KIAA1671: variants seen among roughly 807,000 people sequenced by gnomAD.
KIAA1671 encodes the protein uncharacterized protein KIAA1671.
KIAA1671 carries 52 observed loss-of-function variants against 131.2 expected under a neutral mutation model. The observed-to-expected ratio is 0.40, with a 90% confidence interval of 0.32 to 0.50. The LOEUF (loss-of-function observed/expected upper bound fraction) is 0.50. KIAA1671 is among the 20% of genes least tolerant of loss of function. The pLI, the probability that KIAA1671 is intolerant of heterozygous loss-of-function variation, is 0.73. For synonymous variants in KIAA1671, 1,003 were observed against 961.6 expected (o/e 1.04, Z -0.80); for missense variants, 2,360 against 2,364.2 (o/e 1.00, Z 0.04).
At chr22:25,068,194 A>AACTGTGCCGTCAGGGAGCAGGGCCG (rs1568938251) in intron 6 of KIAA1671, among the ~76,000 whole-genome samples, 1 of 150,528 alleles carries the variant, frequency 6.6e-6, no homozygotes, top group Non-Finnish European at 1.5e-5. Context: ...GAGCAGGGCC[A>AACTGTGCCGTCAGGGAGCAGGGCCG]GCCTTCCGAC....
intron 6 of KIAA1671, among the ~76,000 whole-genome samples, chr22:25,107,472 T>TC: frequency 7.4e-6 from 1 of 134,834 alleles, no homozygotes; most frequent in East Asian, 2.3e-4. Context: ...CATGGCACTT[T>TC]TTTTTTTTTT....
Position 25,029,535 on chromosome 22 carries a change from C to G in KIAA1671, c.1536C>G (p.Thr512=), listed in dbSNP as rs1926158034. Residue 512 remains threonine, a synonymous_variant, in exon 3 of 13, where the codon ACC becomes ACG. Coordinates refer to ENST00000358431, the MANE Select transcript of KIAA1671 (RefSeq NM_001145206.2). The stretch of plus-strand genomic sequence containing the variant: ...CTCGGCCGCTGTCGGCGGATTTGAC[C>G]AAATTGTAAGTAGGCACATCCCACA... ...FQARPLSADL[T]KLFSSSASSN... 6.5e-7 allele frequency: 1 copy of G among 1,535,926 alleles called. No homozygotes were observed.
chr22:25,044,025 C>G (rs942675139), intron 5 of KIAA1671, among the ~76,000 whole-genome samples: 1 of 130,550 alleles, frequency 7.7e-6, no homozygotes, highest in Non-Finnish European at 1.6e-5. Context: ...AATGATCATG[C>G]GGTGAGGATT....
rs538292011 is a variant in KIAA1671, at chr22:24,954,713, C to G, written c.-208+1941C>G. The stretch of plus-strand genomic sequence containing the variant: ...ACAGTTCTCACCCTAGGTTCAGAGG[C>G]TGGAAGCTGCCCCTACCCCCACTGG... On this transcript the variant is annotated intron_variant, in intron 1 of 12. Coordinates refer to ENST00000358431, the MANE Select transcript of KIAA1671 (RefSeq NM_001145206.2). Among the ~76,000 whole-genome samples, 68 of 152,264 alleles carry G rather than the reference C, an allele frequency of 4.5e-4. No homozygotes were observed. The Middle Eastern group carries it at 0.01, about 23-fold the overall frequency.
intron 11 of KIAA1671, 194 bp downstream of exon 11, chr22:25,185,313 AGG>A: frequency 1.6e-6 from 1 of 637,364 alleles, no homozygotes; most frequent in South Asian, 2.7e-5. Context: ...CCGGGGAAGG[AGG>A]CCAGGAATCA....
chr22:25,028,224 G>A lies in KIAA1671; in HGVS notation c.225G>A (p.Gln75=). ...CCCCCAAACCCTTCTCGAAGGAGCA[G>A]GACGTGAAATCTCCTGTCCCGTCTC... ...RLAPKPFSKE[Q]DVKSPVPSLR... The change falls in exon 3 of 13, where the codon CAG becomes CAA. Residue 75 remains glutamine, a synonymous_variant. Transcript: ENST00000358431. 2.6e-6 allele frequency: 4 copies of A among 1,551,600 alleles called. No homozygotes were observed. Among genetic ancestry groups the A allele is most frequent in the Non-Finnish European group, 3.5e-6 (4 of 1,146,968 alleles).
Position 25,177,432 on chromosome 22 carries a change from T to C in KIAA1671, c.4984T>C (p.Ser1662Pro). The part of the protein sequence containing the change: ...RSRRRAPISH[S>P]LRRSRFSESE... ...CCGCCGCCGGGCCCCCATCTCCCAC[T>C]CCCTCCGGCGCAGCCGATTTAGTGA... Residue 1662 changes from serine (S) to proline (P), a missense_variant, in exon 9 of 13, where the codon TCC (serine) becomes CCC (proline). Physicochemically the swap from Ser to Pro is moderately conservative, Grantham distance 74. This residue lies in a region of KIAA1671 where 1,161 missense variants were observed against 1,204.7 expected (regional missense o/e 0.96). Transcript: ENST00000358431. 6.4e-7 allele frequency: 1 copy of C among 1,551,616 alleles called. No homozygotes were observed. Among genetic ancestry groups the C allele is most frequent in the Non-Finnish European group, 8.7e-7 (1 of 1,146,986 alleles).
At chr22:25,030,038 C>A (rs551664514) in intron 3 of KIAA1671, among the ~76,000 whole-genome samples, 1 of 152,180 alleles carries the variant, frequency 6.6e-6, no homozygotes, top group East Asian at 1.9e-4. Flanking sequence ...TGATATTCTA[C>A]GTCATTTGGT....
chr22:25,033,509 G>A (rs1334776660), intron 4 of KIAA1671, among the ~76,000 whole-genome samples: 2 of 149,672 alleles, frequency 1.3e-5, no homozygotes, highest in East Asian at 3.9e-4. Context: ...GTCTCCTAGC[G>A]AAAACCGGTT....
rs908035230 is a variant in KIAA1671, at chr22:25,177,250, C to T, written c.4900-98C>T. 5 of 1,172,150 alleles carry T rather than the reference C, an allele frequency of 4.3e-6. No individual in the cohort carries two copies. In the African/African-American group the frequency reaches 7.8e-5, roughly 18 times the overall value. 72.6% of individuals were successfully genotyped at this position (1,172,150 alleles called of 1,614,324 possible). ...CCTAGGTACCACCTAAATAGCCTCT[C>T]ATCTGTCAACGAAGCTGTGTACCGC... On this transcript the variant is annotated intron_variant, in intron 8 of 12. Coordinates refer to ENST00000358431, the MANE Select transcript of KIAA1671 (RefSeq NM_001145206.2).
At chr22:25,093,737 A>ACTCTCTCTCTCTCTCT (rs1326086246) in intron 6 of KIAA1671, among the ~76,000 whole-genome samples, 1 of 30,134 alleles carries the variant, frequency 3.3e-5, no homozygotes, top group Non-Finnish European at 6.5e-5. Context: ...ACACACACAC[A>ACTCTCTCTCTCTCTCT]CTCTCTCTCT....
intron 1 of KIAA1671, among the ~76,000 whole-genome samples, chr22:24,961,970 C>G (rs1690090626): frequency 6.6e-6 from 1 of 152,160 alleles, no homozygotes; most frequent in Non-Finnish European, 1.5e-5. Flanking sequence ...CCAACTGAGT[C>G]TCAGTTTCCT....
At chr22:24,968,205 C>T (rs1354503595) in intron 1 of KIAA1671, among the ~76,000 whole-genome samples, 2 of 152,044 alleles carry the variant, frequency 1.3e-5, no homozygotes, top group Non-Finnish European at 1.5e-5. Flanking sequence ...GGAAGGGGGG[C>T]GGCGGGGCAG....
intron 6 of KIAA1671, among the ~76,000 whole-genome samples, chr22:25,093,744 C>CTGTCTCTCTCTCTT (rs1930171653): frequency 1.7e-4 from 18 of 105,030 alleles, no homozygotes; most frequent in African/African-American, 6.9e-4. Context: ...CACACTCTCT[C>CTGTCTCTCTCTCTT]TCTCTCTCTC....
At chr22:24,984,787 G>A (rs548918884) in intron 1 of KIAA1671, among the ~76,000 whole-genome samples, 1 of 151,932 alleles carries the variant, frequency 6.6e-6, no homozygotes, top group South Asian at 2.1e-4. Flanking sequence ...GGCGGCATGT[G>A]CCTGCAACCC....
chr22:24,954,333 G>A (rs1569190534), intron 1 of KIAA1671, among the ~76,000 whole-genome samples: 1 of 151,970 alleles, frequency 6.6e-6, no homozygotes. Context: ...AGACTCTGGC[G>A]CCTCCTTCCT....
chr22:25,019,109 G>A (rs1925518880), intron 1 of KIAA1671, among the ~76,000 whole-genome samples: 2 of 147,752 alleles, frequency 1.4e-5, no homozygotes, highest in African/African-American at 5.2e-5. Context: ...TTAAGTAATA[G>A]CCACTCTCAT....
intron 1 of KIAA1671, among the ~76,000 whole-genome samples, chr22:25,021,098 T>C (rs2123891232): frequency 6.6e-6 from 1 of 152,276 alleles, no homozygotes; most frequent in East Asian, 1.9e-4. Context: ...AGGGTCTGGC[T>C]TTGTCATACA....
At position 25,029,283 on chromosome 22, in the gene KIAA1671, G is replaced by A. The variant is rs1926134649; in HGVS notation, c.1284G>A (p.Gly428=). ...SRVADGEAAA[G]GEWASRRSVR... ...TGGCGGATGGGGAGGCCGCGGCAGG[G>A]GGAGAGTGGGCCTCCAGGAGGAGTG... Residue 428 remains glycine, a synonymous_variant, in exon 3 of 13, where the codon GGG becomes GGA. Coordinates refer to ENST00000358431, the MANE Select transcript of KIAA1671 (RefSeq NM_001145206.2). The A allele has an allele frequency of 2.6e-6, 4 of 1,515,050 alleles. No homozygotes were observed. The highest frequency in any genetic ancestry group is 3.6e-6 in the Non-Finnish European group (4 of 1,126,404). The allele number at this position is 1,515,050 out of a possible 1,614,324, so 93.9% of individuals were successfully genotyped here.
Sources: allele counts gnomAD v4.1 joint callset (sites outside exome capture counted in the v4.1 genomes callset), GRCh38; gene constraint gnomAD v4.1.1; regional missense constraint gnomAD v4.1.1; transcripts MANE v1.5; gene names NCBI Gene and HGNC (gene_info 2026-07-23, HGNC 2026-07-21).